CDH18: variants seen among roughly 807,000 people sequenced by gnomAD.
CDH18 encodes the protein cadherin-18.
CDH18 carries 31 observed loss-of-function variants against 67.9 expected under a neutral mutation model. The observed-to-expected ratio is 0.46, with a 90% CI of 0.34 to 0.62. The LOEUF is 0.62. Among genes scored for constraint, CDH18 ranks in the 20% least tolerant of loss-of-function variants. CDH18 has a pLI of 0.01. For missense variants in CDH18, 890 were observed against 975.5 expected (o/e 0.91, Z 1.17); for synonymous variants, 362 against 347.2 (o/e 1.04, Z -0.48).
chr5:19,811,172 A>AAGAG (rs1228106049), intron 3 of CDH18, among the ~76,000 whole-genome samples: 10 of 149,892 alleles, frequency 6.7e-5, no homozygotes, highest in South Asian at 4.3e-4. Context: ...GAGAGAAAGA[A>AAGAG]AGAGAAGAAA....
chr5:20,571,253 C>T (rs1758803265), intron 1 of CDH18, among the ~76,000 whole-genome samples: 1 of 151,988 alleles, frequency 6.6e-6, no homozygotes, highest in Admixed American at 6.6e-5. Context: ...TGATTCTTGG[C>T]CAAATTTCGC....
chr5:19,892,711 A>C (rs758168039), intron 2 of CDH18, among the ~76,000 whole-genome samples: 1 of 152,066 alleles, frequency 6.6e-6, no homozygotes, highest in Non-Finnish European at 1.5e-5. Context: ...CGGACATTCA[A>C]GCAGAGGCCC....
intron 2 of CDH18, among the ~76,000 whole-genome samples, chr5:20,157,757 C>G (rs1054851150): frequency 6.6e-6 from 1 of 151,860 alleles, no homozygotes; most frequent in Non-Finnish European, 1.5e-5. Context: ...ATTCTCCTGC[C>G]CCAGCCTCCT....
chr5:20,095,534 GAAA>G (rs1561786562), intron 2 of CDH18, among the ~76,000 whole-genome samples: 1 of 140,368 alleles, frequency 7.1e-6, no homozygotes, highest in Non-Finnish European at 1.5e-5. Context: ...AGGAAGGAAG[GAAA>G]GAAGGAAGGG....
rs184565857 is a variant in CDH18, at chr5:19,571,479, C to T, written c.1253+100G>A. On this transcript the variant is annotated intron_variant, in intron 8 of 12. Coordinates refer to ENST00000382275, the MANE Select transcript of CDH18 (RefSeq NM_004934.5). The stretch of plus-strand genomic sequence containing the variant: ...ATTTAATTATATTCGTAGAAAACAA[C>T]GTAGAAATAAAACATTTTAAGTGTA... 449 of 1,059,102 alleles carry T rather than the reference C, an allele frequency of 4.2e-4. 4 individuals carry two copies. The East Asian group carries it at 0.011, about 25-fold the overall frequency. The allele number at this position is 1,059,102 out of a possible 1,614,324, so 65.6% of individuals were successfully genotyped here.
intron 2 of CDH18, among the ~76,000 whole-genome samples, chr5:20,089,341 T>C (rs1025799426): frequency 1.3e-5 from 2 of 152,164 alleles, no homozygotes; most frequent in African/African-American, 4.8e-5. Flanking sequence ...GTCTTGTTTG[T>C]TAAACTATGT....
intron 3 of CDH18, among the ~76,000 whole-genome samples, chr5:19,764,128 C>A (rs1199850756): frequency 6.7e-6 from 1 of 148,596 alleles, no homozygotes; most frequent in Non-Finnish European, 1.5e-5. Flanking sequence ...AAGATCGTGC[C>A]ACTGTACTCT....
intron 3 of CDH18, among the ~76,000 whole-genome samples, chr5:19,809,423 A>G (rs937496514): frequency 2.0e-5 from 3 of 152,206 alleles, no homozygotes; most frequent in Admixed American, 2.0e-4. Flanking sequence ...AACACTTAAA[A>G]TCAACTCCCT....
intron 1 of CDH18, among the ~76,000 whole-genome samples, chr5:20,530,003 CA>C (rs1230921844): frequency 1.3e-5 from 2 of 151,918 alleles, no homozygotes; most frequent in Admixed American, 6.6e-5. Context: ...TGACTCAGGC[CA>C]AAAGCTTCTT....
At chr5:20,193,102 C>A (rs2126724484) in intron 2 of CDH18, among the ~76,000 whole-genome samples, 1 of 152,156 alleles carries the variant, frequency 6.6e-6, no homozygotes, top group African/African-American at 2.4e-5. Context: ...ATTGTATTCT[C>A]TTTGTAGCAA....
At chr5:20,269,642 T>C (rs771996657) in intron 1 of CDH18, among the ~76,000 whole-genome samples, 2 of 152,086 alleles carry the variant, frequency 1.3e-5, no homozygotes, top group Non-Finnish European at 2.9e-5. Context: ...TATTACATAA[T>C]CTCACTCATA....
chr5:19,691,377 A>G (rs2387971), intron 5 of CDH18, among the ~76,000 whole-genome samples: 85,230 of 151,612 alleles, frequency 0.56, 27,121 homozygotes, highest in East Asian at 0.74. Context: ...CATAGTACTA[A>G]ATGACCTAGC....
chr5:20,329,591 C>T (rs1213318376), intron 1 of CDH18, among the ~76,000 whole-genome samples: 1 of 151,528 alleles, frequency 6.6e-6, no homozygotes, highest in Non-Finnish European at 1.5e-5. Context: ...GGTGAAACCC[C>T]ATCTCTACTA....
At chr5:20,415,363 AT>A (rs1174637849) in intron 1 of CDH18, among the ~76,000 whole-genome samples, 5 of 151,644 alleles carry the variant, frequency 3.3e-5, no homozygotes. Context: ...CTCCAAAAAA[AT>A]AAAAAATAAA....
At chr5:20,090,994 G>A (rs1207106661) in intron 2 of CDH18, among the ~76,000 whole-genome samples, 1 of 151,350 alleles carries the variant, frequency 6.6e-6, no homozygotes, top group Non-Finnish European at 1.5e-5. Context: ...AGGCTTCAGT[G>A]AGCTGAGATT....
intron 1 of CDH18, among the ~76,000 whole-genome samples, chr5:20,550,370 C>T (rs1757565743): frequency 6.6e-6 from 1 of 152,092 alleles, no homozygotes; most frequent in East Asian, 1.9e-4. Context: ...CAGTTTACAC[C>T]TTGGAGAGCG....
intron 2 of CDH18, among the ~76,000 whole-genome samples, chr5:20,031,629 A>C (rs1739407558): frequency 6.6e-6 from 1 of 152,100 alleles, no homozygotes; most frequent in South Asian, 2.1e-4. Context: ...TGCATACACT[A>C]TTTTGTATTT....
At chr5:20,147,126 C>G (rs1750707054) in intron 2 of CDH18, among the ~76,000 whole-genome samples, 2 of 152,102 alleles carry the variant, frequency 1.3e-5, no homozygotes, top group Admixed American at 1.3e-4. Context: ...TCCTCTGACT[C>G]ATTTTCAATT....
intron 2 of CDH18, among the ~76,000 whole-genome samples, chr5:20,002,272 C>T (rs1013473288): frequency 6.6e-6 from 1 of 152,162 alleles, no homozygotes; most frequent in African/African-American, 2.4e-5. Context: ...AACATTATTG[C>T]ACATATGGTA....
Sources: gnomAD v4.1 joint callset for allele counts (sites outside exome capture counted in the v4.1 genomes callset) on GRCh38, gnomAD v4.1.1 for gene constraint, MANE v1.5 for transcripts, NCBI Gene and HGNC (gene_info 2026-07-23, HGNC 2026-07-21) for gene names.